XPOT: variants seen among roughly 807,000 people sequenced by gnomAD.
The protein encoded by XPOT is exportin-T.
In XPOT, 34 loss-of-function variants were observed where a neutral mutation model predicts 128.2. That is an observed-to-expected ratio of 0.27 (90% confidence interval 0.20 to 0.35). The LOEUF is 0.35. Ranked by LOEUF, XPOT falls within the 10% of genes least tolerant of loss-of-function variation. The probability of loss-of-function intolerance (pLI) is 1.00; values close to 1 mark genes in which losing one functional copy is unlikely to be tolerated. For synonymous variants in XPOT, 348 were observed against 394.3 expected (o/e 0.88, Z 1.39); for missense variants, 838 against 1,125.3 (o/e 0.74, Z 3.65).
intron 4 of XPOT, among the ~76,000 whole-genome samples, chr12:64,417,752 T>C (rs1351909566): frequency 3.3e-5 from 5 of 152,362 alleles, no homozygotes; most frequent in East Asian, 1.9e-4. Context: ...GTTCACCTAT[T>C]GGTTTATTCT....
At chr12:64,440,396 A>G (rs192993878) in intron 23 of XPOT, among the ~76,000 whole-genome samples, 1 of 152,278 alleles carries the variant, frequency 6.6e-6, no homozygotes, top group African/African-American at 2.4e-5. Context: ...GGCTATTTTC[A>G]CATTGTAAGT....
chr12:64,416,705 C>A lies in XPOT; in HGVS notation c.151C>A (p.His51Asn). The change falls in exon 4 of 25, where the codon CAT becomes AAT. Residue 51 changes from histidine to asparagine, a missense_variant. His to Asn is a moderately conservative substitution (Grantham distance 68, BLOSUM62 1). This residue lies in a region of XPOT where 761 missense variants were observed against 988.3 expected (regional missense o/e 0.77). Transcript: ENST00000332707. ...ALAQRTYSDD[H>N]VKFFCFQVLE... The stretch of plus-strand genomic sequence containing the variant: ...TCTTTTTTTCTTTTTCAGTGATGAT[C>A]ATGTGAAGTTTTTCTGCTTTCAAGT... 1.2e-6 allele frequency: 2 copies of A among 1,612,320 alleles called. No individual in the cohort carries two copies. The highest frequency in any genetic ancestry group is 2.2e-5 in the South Asian group (2 of 90,914).
chr12:64,409,869 T>G (rs973553467), intron 1 of XPOT, 93 bp from the exon 2 acceptor site: 10 of 563,856 alleles, frequency 1.8e-5, no homozygotes, highest in Admixed American at 1.3e-4. Context: ...CATTTAAGCT[T>G]CTTTGCATGA....
chr12:64,446,726 A>G (rs12306035), intron 24 of XPOT, among the ~76,000 whole-genome samples: 24,108 of 151,760 alleles, frequency 0.16, 1,957 homozygotes, highest in Middle Eastern at 0.25. Context: ...CTGCCTTACT[A>G]GCAGCCCAAC....
At chr12:64,440,094 C>T (rs1312004462) in intron 23 of XPOT, among the ~76,000 whole-genome samples, 1 of 152,180 alleles carries the variant, frequency 6.6e-6, no homozygotes, top group Non-Finnish European at 1.5e-5. Flanking sequence ...TCTTGCATAA[C>T]TAAGACTTTA....
chr12:64,418,255 T>C, intron 5 of XPOT, 140 bp downstream of exon 5: 1 of 647,514 alleles, frequency 1.5e-6, no homozygotes, highest in East Asian at 2.9e-5. Flanking sequence ...GGTGCTGGTT[T>C]TAAAGATCAT....
At chr12:64,407,304 G>T (rs755129850) in intron 1 of XPOT, among the ~76,000 whole-genome samples, 1 of 151,994 alleles carries the variant, frequency 6.6e-6, no homozygotes, top group East Asian at 1.9e-4. Flanking sequence ...GGGCAACATG[G>T]TGAAACCCCA....
chr12:64,448,477 A>G lies in XPOT; in HGVS notation c.*346A>G, dbSNP rs1292706341. On this transcript the variant is annotated 3_prime_UTR_variant, in exon 25 of 25. Coordinates refer to ENST00000332707, the MANE Select transcript of XPOT (RefSeq NM_007235.6). Reference sequence around the variant, plus strand: ...AGTGTACTTTTTAAAAAATTGCTGAATATAAAATCTTTGAAAATTTTCTTT... The same window carrying G: ...AGTGTACTTTTTAAAAAATTGCTGAGTATAAAATCTTTGAAAATTTTCTTT... 5.2e-6 allele frequency: 1 copy of G among 193,968 alleles called. No individual in the cohort carries two copies. Among genetic ancestry groups the G allele is most frequent in the East Asian group, 1.3e-4 (1 of 7,986 alleles). The allele number at this position is 193,968 out of a possible 1,614,324, so 12.0% of individuals were successfully genotyped here.
intron 1 of XPOT, 196 bp from the exon 2 acceptor site, chr12:64,409,766 C>T (rs1400467194): frequency 2.6e-6 from 1 of 392,090 alleles, no homozygotes; most frequent in Non-Finnish European, 4.6e-6. Context: ...AGGAATTACA[C>T]ATTAGTGGAG....
chr12:64,414,849 TAGC>T (rs2040072889), intron 2 of XPOT, 55 bp from the exon 3 acceptor site: 1 of 1,040,092 alleles, frequency 9.6e-7, no homozygotes, highest in Non-Finnish European at 1.5e-6. Context: ...TTGTTTATAT[TAGC>T]AGGGCATTGA....
chr12:64,426,806 A>C (rs1490827411), intron 15 of XPOT, among the ~76,000 whole-genome samples: 1 of 152,112 alleles, frequency 6.6e-6, no homozygotes, highest in Non-Finnish European at 1.5e-5. Flanking sequence ...AACATGATGA[A>C]ACCCGGTCTC....
rs753662967 is a variant in XPOT, at chr12:64,424,679, G to C, written c.1263G>C (p.Glu421Asp). The C allele has an allele frequency of 6.2e-7, 1 of 1,613,216 alleles. No homozygotes were observed. The highest frequency in any genetic ancestry group is 8.5e-7 in the Non-Finnish European group (1 of 1,179,976). Residue 421 changes from glutamate to aspartate, a missense_variant, in exon 12 of 25, where the codon GAG (glutamate) becomes GAC (aspartate). Glu to Asp is a conservative substitution (Grantham distance 45). Transcript: ENST00000332707. ...ACAGGCTTGCTCAAGTTTCACCAGA[G>C]TTACTACTGGCCTCTGTTCGCAGAG... The part of the protein sequence containing the change: ...LLDRLAQVSP[E>D]LLLASVRRVF...
chr12:64,430,366 T>C, intron 17 of XPOT, 79 bp downstream of exon 17: 1 of 1,145,022 alleles, frequency 8.7e-7, no homozygotes. Flanking sequence ...GCACACACAT[T>C]TGTGTTTCCA....
rs1249289005 is a variant in XPOT at position 64,430,119 on chromosome 12, T to C, written c.1808T>C (p.Ile603Thr). 1.4e-5 allele frequency: 23 copies of C among 1,613,872 alleles called. No individual in the cohort carries two copies. Among genetic ancestry groups the C allele is most frequent in the Non-Finnish European group, 1.9e-5 (22 of 1,179,816 alleles). Reference sequence around the variant, plus strand: ...ATTTATGAGACAGCTGGAGTGCTGATTGTTAATAGTGAATATCCGGCAGAA... The same window carrying C: ...ATTTATGAGACAGCTGGAGTGCTGACTGTTAATAGTGAATATCCGGCAGAA... Reference protein sequence around the residue: ...LFIYETAGVLIVNSEYPAERK... With the variant: ...LFIYETAGVLTVNSEYPAERK... Residue 603 changes from isoleucine (I) to threonine (T), a missense_variant, in exon 17 of 25, where the codon ATT becomes ACT. Coordinates refer to ENST00000332707, the MANE Select transcript of XPOT (RefSeq NM_007235.6).
chr12:64,426,848 G>A (rs1224441494), intron 15 of XPOT, among the ~76,000 whole-genome samples: 1 of 152,036 alleles, frequency 6.6e-6, no homozygotes, highest in East Asian at 1.9e-4. Flanking sequence ...GCCGGGCATG[G>A]TGGTGGGCAC....
At chr12:64,407,630 T>G (rs2039995230) in intron 1 of XPOT, among the ~76,000 whole-genome samples, 1 of 152,088 alleles carries the variant, frequency 6.6e-6, no homozygotes, top group Non-Finnish European at 1.5e-5. Context: ...GGCTTCTAAG[T>G]TGAATTTCAA....
intron 5 of XPOT, 94 bp from the exon 6 acceptor site, chr12:64,418,782 A>G: frequency 9.5e-7 from 1 of 1,056,066 alleles, no homozygotes; most frequent in Non-Finnish European, 1.4e-6. Flanking sequence ...CCATGTTGAC[A>G]TTTGATGAAA....
chr12:64,423,405 C>G (rs1458589997), intron 11 of XPOT, among the ~76,000 whole-genome samples, 161 bp downstream of exon 11: 1 of 151,888 alleles, frequency 6.6e-6, no homozygotes, highest in Non-Finnish European at 1.5e-5. Flanking sequence ...TTAATAGAAG[C>G]CTCTTAATCC....
intron 12 of XPOT, 111 bp from the exon 13 acceptor site, chr12:64,424,927 G>C: frequency 8.5e-6 from 12 of 1,411,430 alleles, no homozygotes; most frequent in Non-Finnish European, 9.7e-6. Flanking sequence ...GTTAACAGTT[G>C]CTATGACTTT....
Sources: allele counts gnomAD v4.1 joint callset (sites outside exome capture counted in the v4.1 genomes callset), GRCh38; gene constraint gnomAD v4.1.1; regional missense constraint gnomAD v4.1.1; transcripts MANE v1.5; gene names NCBI Gene and HGNC (gene_info 2026-07-23, HGNC 2026-07-21).